RBFOX1: variants seen among roughly 807,000 people sequenced by gnomAD.
RBFOX1 encodes RNA binding protein fox-1 homolog 1.
Under a neutral mutation model 57.7 loss-of-function variants are expected in RBFOX1, and 8 were observed. That is an observed-to-expected ratio of 0.14 (90% CI 0.08 to 0.25). The LOEUF (loss-of-function observed/expected upper bound fraction) is 0.25. Ranked by LOEUF, RBFOX1 falls within the 10% of genes least tolerant of loss-of-function variation. The pLI is 1.00. For synonymous variants in RBFOX1, 326 were observed against 222.4 expected (o/e 1.47, Z -4.15); for missense variants, 611 against 548.5 (o/e 1.11, Z -1.14).
chr16:5,568,554 C>CT (rs1432528671), intron 2 of RBFOX1, among the ~76,000 whole-genome samples: 3 of 152,136 alleles, frequency 2.0e-5, no homozygotes, highest in Non-Finnish European at 4.4e-5. Context: ...AATTTGAGAG[C>CT]TAGGCACTCA....
At position 7,242,821 on chromosome 16, in the gene RBFOX1, C is replaced by T. The variant is rs747335785; in HGVS notation, c.27+190723C>T. On this transcript the variant is annotated intron_variant, in intron 4 of 15. Coordinates refer to ENST00000550418, the MANE Select transcript of RBFOX1 (RefSeq NM_018723.4). Reference sequence around the variant, plus strand: ...AAATTTTCTGTTTGTTGATTCAGACCCGACTGACTTTGCCAGGTTTGGACT... The same window carrying T: ...AAATTTTCTGTTTGTTGATTCAGACTCGACTGACTTTGCCAGGTTTGGACT... Among the ~76,000 whole-genome samples the T allele has an allele frequency of 2.5e-4, 38 of 152,260 alleles. 1 individual carries two copies. Among genetic ancestry groups the T allele is most frequent in the Non-Finnish European group, 3.5e-4 (24 of 68,034 alleles).
At chr16:7,247,242 G>A (rs116330679) in intron 4 of RBFOX1, among the ~76,000 whole-genome samples, 1,633 of 152,190 alleles carry the variant, frequency 0.011, 27 homozygotes, top group African/African-American at 0.037. Flanking sequence ...AACTTCTATT[G>A]TGCAAACGCC....
chr16:7,548,574 C>A (rs2085307731), intron 5 of RBFOX1, among the ~76,000 whole-genome samples: 1 of 152,210 alleles, frequency 6.6e-6, no homozygotes, highest in Admixed American at 6.5e-5. Flanking sequence ...TGAACCAATG[C>A]AAGGGGCAAA....
At chr16:7,400,168 T>C (rs181243628) in intron 4 of RBFOX1, among the ~76,000 whole-genome samples, 1 of 152,276 alleles carries the variant, frequency 6.6e-6, no homozygotes, top group Admixed American at 6.5e-5. Flanking sequence ...CTTTGAACAA[T>C]TATGCTAGAA....
At chr16:6,693,886 A>G (rs918579776) in intron 3 of RBFOX1, among the ~76,000 whole-genome samples, 4 of 152,384 alleles carry the variant, frequency 2.6e-5, no homozygotes, top group African/African-American at 9.6e-5. Flanking sequence ...GCCATATACA[A>G]TGTTGGATCC....
At chr16:6,551,962 C>T (rs1235040040) in intron 2 of RBFOX1, among the ~76,000 whole-genome samples, 1 of 152,164 alleles carries the variant, frequency 6.6e-6, no homozygotes, top group East Asian at 1.9e-4. Flanking sequence ...AAGGATTTGC[C>T]TCTCATCTTC....
At chr16:5,423,430 A>T (rs984630018) in intron 1 of RBFOX1, among the ~76,000 whole-genome samples, 1 of 152,178 alleles carries the variant, frequency 6.6e-6, no homozygotes, top group African/African-American at 2.4e-5. Flanking sequence ...TCACCACAGA[A>T]TAACTACCAT....
intron 1 of RBFOX1, among the ~76,000 whole-genome samples, chr16:5,288,702 T>C (rs1270000727): frequency 6.6e-6 from 1 of 151,930 alleles, no homozygotes; most frequent in African/African-American, 2.4e-5. Context: ...AAACTGCATG[T>C]TTTTTGGTCC....
At chr16:5,515,451 C>T (rs1259380599) in intron 2 of RBFOX1, among the ~76,000 whole-genome samples, 1 of 152,222 alleles carries the variant, frequency 6.6e-6, no homozygotes, top group Non-Finnish European at 1.5e-5. Flanking sequence ...TTTGTCCTCC[C>T]AGGAGCCTTC....
chr16:5,422,522 G>A (rs2067369472), intron 1 of RBFOX1, among the ~76,000 whole-genome samples: 1 of 92,630 alleles, frequency 1.1e-5, no homozygotes, highest in Non-Finnish European at 2.1e-5. Context: ...GGTGAGGAAA[G>A]GAGGAAGGGC....
intron 4 of RBFOX1, among the ~76,000 whole-genome samples, chr16:5,981,252 G>A (rs1387462895): frequency 6.6e-6 from 1 of 152,248 alleles, no homozygotes; most frequent in East Asian, 1.9e-4. Context: ...GGGATTGGAG[G>A]AGGGCTGGGC....
chr16:6,940,028 T>C (rs1484885283), intron 3 of RBFOX1, among the ~76,000 whole-genome samples: 1 of 152,168 alleles, frequency 6.6e-6, no homozygotes, highest in Non-Finnish European at 1.5e-5. Context: ...CAGCCTGGCC[T>C]ACAGGGCAAA....
intron 3 of RBFOX1, among the ~76,000 whole-genome samples, chr16:6,981,492 T>G (rs1292122099): frequency 1.3e-5 from 2 of 152,202 alleles, no homozygotes; most frequent in East Asian, 3.8e-4. Context: ...ATCCAGTGTA[T>G]TAGTCTGTTC....
chr16:6,944,986 G>T (rs775823319), intron 3 of RBFOX1, among the ~76,000 whole-genome samples: 5 of 152,066 alleles, frequency 3.3e-5, no homozygotes, highest in Non-Finnish European at 5.9e-5. Flanking sequence ...CTCCTCCTGG[G>T]TGAAAAGGGT....
intron 1 of RBFOX1, among the ~76,000 whole-genome samples, chr16:5,240,819 G>A (rs1003531434): frequency 1.3e-5 from 2 of 152,116 alleles, no homozygotes; most frequent in African/African-American, 2.4e-5. Context: ...GGCCAGCCTG[G>A]CCTCCTGGGG....
intron 3 of RBFOX1, among the ~76,000 whole-genome samples, chr16:6,669,788 C>T (rs963908490): frequency 6.6e-6 from 1 of 152,152 alleles, no homozygotes; most frequent in Admixed American, 6.5e-5. Context: ...AGCTTAAGGA[C>T]TTCTAGCTTT....
chr16:6,536,467 A>C (rs1436580045), intron 2 of RBFOX1, among the ~76,000 whole-genome samples: 1 of 152,198 alleles, frequency 6.6e-6, no homozygotes, highest in Non-Finnish European at 1.5e-5. Flanking sequence ...CATCCCTCAT[A>C]AATTCCGTAT....
rs75202002 is a variant in RBFOX1 at position 6,449,918 on chromosome 16, T to C, written c.-64+132861T>C. Among the ~76,000 whole-genome samples the C allele has an allele frequency of 5.3e-3, 807 of 152,310 alleles. 28 individuals carry two copies. The East Asian group carries it at 0.11, about 21-fold the overall frequency. ...GATGTTTTCCCTTCATTTCTCCAGA[T>C]GCTGTAAAACTTCATGCTGGATGAT... On this transcript the variant is annotated intron_variant, in intron 2 of 15. Coordinates refer to ENST00000550418, the MANE Select transcript of RBFOX1 (RefSeq NM_018723.4).
At chr16:6,072,555 A>G (rs1184539507) in intron 1 of RBFOX1, among the ~76,000 whole-genome samples, 1 of 151,774 alleles carries the variant, frequency 6.6e-6, no homozygotes, top group East Asian at 1.9e-4. Flanking sequence ...GTGGCTACAT[A>G]TCTACATTCT....
Sources: gnomAD v4.1 joint callset for allele counts (sites outside exome capture counted in the v4.1 genomes callset) on GRCh38, gnomAD v4.1.1 for gene constraint, MANE v1.5 for transcripts, NCBI Gene and HGNC (gene_info 2026-07-23, HGNC 2026-07-21) for gene names.